Variants in NAV1 observed in about 807,000 individuals in gnomAD.
NAV1 encodes the protein pore membrane and/or filament interacting like protein 3.
Under a neutral mutation model 175.2 loss-of-function variants are expected in NAV1, and 18 were observed. That is an observed-to-expected ratio of 0.10 (90% CI 0.07 to 0.15). NAV1 has a LOEUF of 0.15. Among genes scored for constraint, NAV1 ranks in the 10% least tolerant of loss-of-function variants. The probability of loss-of-function intolerance (pLI) is 1.00; values close to 1 mark genes in which losing one functional copy is unlikely to be tolerated. For synonymous variants in NAV1, 897 were observed against 978.7 expected (o/e 0.92, Z 1.56); for missense variants, 1,731 against 2,436.6 (o/e 0.71, Z 6.10).
At chr1:201,804,578 C>CAA in intron 17 of NAV1, 81 bp downstream of exon 21, 13 of 814,042 alleles carry the variant, frequency 1.6e-5, no homozygotes, top group Admixed American at 1.0e-4. Context: ...CTCCCTTCCC[C>CAA]TAAAAAAAAA....
rs1676826412 is a variant in NAV1, at chr1:201,787,337, T to C, written c.2995+760T>C. On this transcript the variant is annotated intron_variant, in intron 9 of 29. Coordinates refer to ENST00000367296, the Ensembl canonical transcript of NAV1. This position sits in a 1 kb window ranked among gnomAD's most constrained non-coding sequence, Gnocchi z 4.3. ...GCATCTCTTTAAATCCATCTCTTCT[T>C]TCAGCTGAGTAAAAGAAATCAGTTA... is the stretch of plus-strand genomic sequence containing the variant. Among the ~76,000 whole-genome samples the C allele has an allele frequency of 1.3e-5, 2 of 152,166 alleles. No individual in the cohort carries two copies. The highest frequency in any genetic ancestry group is 4.8e-5 in the African/African-American group (2 of 41,432).
chr1:201,575,213 G>A (rs1666660981), intron 1 of NAV1, among the ~76,000 whole-genome samples: 2 of 152,216 alleles, frequency 1.3e-5, no homozygotes, highest in Non-Finnish European at 2.9e-5. Flanking sequence ...CAGCTGGGGA[G>A]AGGACCAGAG....
At chr1:201,618,478 C>T (rs1668066512), upstream of NAV1, among the ~76,000 whole-genome samples, 1 of 152,122 alleles carries the variant, frequency 6.6e-6, no homozygotes, top group Admixed American at 6.5e-5. Context: ...CTGGTTTCCA[C>T]CCTGTAAATT....
chr1:201,684,803 AAT>A (rs1362439427), intron 1 of NAV1, among the ~76,000 whole-genome samples: 5 of 151,522 alleles, frequency 3.3e-5, no homozygotes, highest in African/African-American at 1.2e-4. Context: ...CCCAATTCTT[AAT>A]ACAAAAAATT....
At chr1:201,547,458 G>A (rs1470677192) in intron 1 of NAV1, among the ~76,000 whole-genome samples, 1 of 152,146 alleles carries the variant, frequency 6.6e-6, no homozygotes, top group Non-Finnish European at 1.5e-5. Context: ...CTCAGTTAAG[G>A]CCTAAATTGG....
exon 1 of NAV1, chr1:201,648,705 G>A (rs1331107036): frequency 1.4e-6 from 2 of 1,425,988 alleles, no homozygotes; most frequent in African/African-American, 3.0e-5. Flanking sequence ...GCAGCCCGAG[G>A]TGGAGCTGAG....
chr1:201,590,280 G>T (rs528164739), intron 2 of NAV1, among the ~76,000 whole-genome samples: 49 of 152,176 alleles, frequency 3.2e-4, no homozygotes, highest in Non-Finnish European at 6.0e-4. Flanking sequence ...ACTAGTAAGC[G>T]ATGGGGTAGG....
rs1356288286 is a variant in NAV1 at position 201,629,519 on chromosome 1, G to A, written c.4+12G>A. 4 of 1,300,094 alleles carry A rather than the reference G, an allele frequency of 3.1e-6. No homozygotes were observed. The African/African-American group carries it at 6.1e-5, about 20-fold the overall frequency. The allele number at this position is 1,300,094 out of a possible 1,614,324, so 80.5% of individuals were successfully genotyped here. ...CTTCTCCTGCATGGGTAAGTGATCT[G>A]GGGGAGACTTCCTCCTAGGGTCGGG... On this transcript the variant is annotated intron_variant, in intron 2 of 29. Coordinates refer to the NAV1 transcript ENST00000367302.
At chr1:201,693,110 T>C (rs1671028830) in intron 1 of NAV1, among the ~76,000 whole-genome samples, 1 of 152,146 alleles carries the variant, frequency 6.6e-6, no homozygotes, top group Non-Finnish European at 1.5e-5. Flanking sequence ...CATCTGACTA[T>C]GTGCCCAGGG....
intron 1 of NAV1, among the ~76,000 whole-genome samples, chr1:201,586,785 T>G (rs1667041520): frequency 6.6e-6 from 1 of 152,144 alleles, no homozygotes; most frequent in Non-Finnish European, 1.5e-5. Context: ...AATTACCTCT[T>G]AAGACCCTAT....
At chr1:201,545,288 C>T (rs1213349181) in intron 1 of NAV1, among the ~76,000 whole-genome samples, 1 of 152,132 alleles carries the variant, frequency 6.6e-6, no homozygotes, top group African/African-American at 2.4e-5. Flanking sequence ...GAGACCATGT[C>T]AGACCTGACT....
At chr1:201,630,426 G>A (rs1668452309) in intron 2 of NAV1, among the ~76,000 whole-genome samples, 1 of 152,196 alleles carries the variant, frequency 6.6e-6, no homozygotes, top group African/African-American at 2.4e-5. Context: ...GCCAAGCTGG[G>A]GCTTAGAACA....
Position 201,808,776 on chromosome 1 carries a change from C to T in NAV1, c.4112C>T (p.Pro1371Leu), listed in dbSNP as rs1359380318. The change falls in exon 20 of 30, where the codon CCA becomes CTA. Residue 1371 changes from proline to leucine, a missense_variant. Transcript: ENST00000367296. This position sits in a 1 kb window ranked among gnomAD's most constrained non-coding sequence, Gnocchi z 5.5. ...CCAGGCCCCTCATCAGGCTCCACTCCAGGGCAGGTCCCTGGATCATCTGCA... is the reference window on the plus strand; with the variant it reads ...CCAGGCCCCTCATCAGGCTCCACTCTAGGGCAGGTCCCTGGATCATCTGCA... 1 of 1,614,198 alleles carries T rather than the reference C, an allele frequency of 6.2e-7. No individual in the cohort carries two copies. Among genetic ancestry groups the T allele is most frequent in the Admixed American group, 1.7e-5 (1 of 60,032 alleles).
rs562533464 is a variant in NAV1, at chr1:201,804,972, C to G, written c.3648+475C>G. 8.5e-5 allele frequency among the ~76,000 whole-genome samples: 13 copies of G among 152,206 alleles called. No homozygotes were observed. In the East Asian group the frequency reaches 2.5e-3, roughly 29 times the overall value. On this transcript the variant is annotated intron_variant, in intron 17 of 29. Transcript: ENST00000367296. ...AGATTTAGCTCTAGAGTAGGATGAA[C>G]CAGAGATAGGTGAGGGATAGAGACC...
intron 1 of NAV1, among the ~76,000 whole-genome samples, chr1:201,654,295 C>T (rs1431744858): frequency 1.3e-5 from 2 of 152,190 alleles, no homozygotes; most frequent in Non-Finnish European, 1.5e-5. Context: ...GACCAAGTCA[C>T]CTGGAGTCCT....
chr1:201,552,120 G>A (rs985519070), intron 1 of NAV1, among the ~76,000 whole-genome samples: 2 of 152,236 alleles, frequency 1.3e-5, no homozygotes, highest in Non-Finnish European at 2.9e-5. Context: ...GCTGGCCACA[G>A]AGACTGTGAC....
chr1:201,693,414 C>T (rs1446726249), intron 1 of NAV1, among the ~76,000 whole-genome samples: 3 of 152,172 alleles, frequency 2.0e-5, no homozygotes, highest in South Asian at 2.1e-4. Flanking sequence ...CACCATCACT[C>T]GGGCAGCATT....
chr1:201,642,521 C>CTTTT (rs145876654), intron 2 of NAV1, among the ~76,000 whole-genome samples: 1 of 97,804 alleles, frequency 1.0e-5, no homozygotes, highest in Admixed American at 9.3e-5. Flanking sequence ...CTCTTTCTTT[C>CTTTT]TTTTTTTCTT....
At chr1:201,786,558 G>A in exon 9 of NAV1, 1 of 1,613,702 alleles carries the variant, frequency 6.2e-7, no homozygotes, top group Non-Finnish European at 8.5e-7. Context: ...TGAGTGCAAA[G>A]GGCCAACTTA....
Sources: allele counts gnomAD v4.1 joint callset (sites outside exome capture counted in the v4.1 genomes callset), GRCh38; gene constraint gnomAD v4.1.1; non-coding constraint Gnocchi (gnomAD v3.1); transcripts MANE v1.5; gene names NCBI Gene and HGNC (gene_info 2026-07-23, HGNC 2026-07-21).